The following CRMP1 variants were observed in gnomAD, a reference collection of about 807,000 sequenced individuals.
The protein encoded by CRMP1 is collapsin response mediator protein 1.
In CRMP1, 19 loss-of-function variants were observed where a neutral mutation model predicts 68.3. That is an observed-to-expected ratio of 0.28 (90% CI 0.19 to 0.41). The LOEUF is 0.41. Ranked by LOEUF, CRMP1 falls within the 10% of genes least tolerant of loss-of-function variation. The probability of loss-of-function intolerance (pLI) is 1.00; values close to 1 mark genes in which losing one functional copy is unlikely to be tolerated. For synonymous variants in CRMP1, 439 were observed against 399.6 expected (o/e 1.10, Z -1.18); for missense variants, 791 against 967.4 (o/e 0.82, Z 2.42).
Position 5,889,770 on chromosome 4 carries a change from G to A in CRMP1, c.381+2819C>T, listed in dbSNP as rs1715855167. ...TACAGCTCCCCCAGCACTGTGGTTG[G>A]GGGCTGGGGCCCTGACCTTCACCAC... is the stretch of plus-strand genomic sequence containing the variant. On this transcript the variant is annotated intron_variant, in intron 1 of 13. Coordinates refer to ENST00000324989, the MANE Select transcript of CRMP1 (RefSeq NM_001014809.3). The surrounding 1 kb of genome is among the most constrained non-coding windows in gnomAD (Gnocchi z 4.5). 1 of 1,532,544 alleles carries A rather than the reference G, an allele frequency of 6.5e-7. No individual in the cohort carries two copies. Among genetic ancestry groups the A allele is most frequent in the African/African-American group, 1.4e-5 (1 of 73,076 alleles). The allele number at this position is 1,532,544 out of a possible 1,614,324, so 94.9% of individuals were successfully genotyped here.
At chr4:5,868,175 G>A (rs1388152697) in intron 1 of CRMP1, among the ~76,000 whole-genome samples, 1 of 148,888 alleles carries the variant, frequency 6.7e-6, no homozygotes, top group Non-Finnish European at 1.5e-5. Flanking sequence ...GAACATTATG[G>A]GAACCAAAAA....
In CRMP1 at chr4:5,825,776, GCA is replaced by G. The variant is rs10605297; in HGVS notation, c.1804-119_1804-118del. On this transcript the variant is annotated intron_variant, in intron 12 of 13. Coordinates refer to ENST00000324989, the MANE Select transcript of CRMP1 (RefSeq NM_001014809.3). The surrounding 1 kb of genome is among the most constrained non-coding windows in gnomAD (Gnocchi z 4.4). Reference sequence around the variant, plus strand: ...ACCTGAGGTCACTTCAAATGTGCATGCACACACACACACAACACGCACACACG... The same window carrying G: ...ACCTGAGGTCACTTCAAATGTGCATGCACACACACACAACACGCACACACG... 0.18 allele frequency: 157,838 copies of G among 894,286 alleles called. 19,681 individuals are homozygous for G. Among genetic ancestry groups the G allele is most frequent in the African/African-American group, 0.56 (31,371 of 55,714 alleles). 55.4% of individuals were successfully genotyped at this position (894,286 alleles called of 1,614,324 possible). A position where few individuals can be genotyped will look rare whatever the true frequency, so the allele number is the denominator to read the frequency against.
At chr4:5,886,904 G>A (rs1437026975) in intron 1 of CRMP1, among the ~76,000 whole-genome samples, 1 of 152,226 alleles carries the variant, frequency 6.6e-6, no homozygotes, top group African/African-American at 2.4e-5. Flanking sequence ...GCTGAGAGAC[G>A]GAGAAGAGGT....
chr4:5,841,405 C>T lies in CRMP1; in HGVS notation c.1056G>A (p.Arg352=). The change falls in exon 8 of 14, where the codon CGG becomes CGA. Residue 352 remains arginine (R), a synonymous_variant. Transcript: ENST00000324989. This position sits in a 1 kb window ranked among gnomAD's most constrained non-coding sequence, Gnocchi z 6.9. ...TGATCCGGCCCGCAATGGTGATGGCCCGGAACACCGCCTCGGCCTCCAGCT... is the reference window on the plus strand; with the variant it reads ...TGATCCGGCCCGCAATGGTGATGGCTCGGAACACCGCCTCGGCCTCCAGCT... The part of the protein sequence containing the change: ...PEELEAEAVF[R]AITIAGRINC... 6.2e-7 allele frequency: 1 copy of T among 1,614,164 alleles called. No homozygotes were observed. Among genetic ancestry groups the T allele is most frequent in the Non-Finnish European group, 8.5e-7 (1 of 1,180,040 alleles).
At position 5,825,548 on chromosome 4, in the gene CRMP1, T is replaced by G. The variant is rs931871133; in HGVS notation, c.1915A>C (p.Lys639Gln). 1.3e-6 allele frequency: 2 copies of G among 1,594,758 alleles called. No homozygotes were observed. The highest frequency in any genetic ancestry group is 1.7e-6 in the Non-Finnish European group (2 of 1,173,258). ...TTTCTGATGGGTGGGGGCTGGTGTT[T>G]AGAAGGCGAAGATTTGGCTGAAGGA... ...PAPSAKSSPS[K>Q]HQPPPIRNLH... Residue 639 changes from lysine (K) to glutamine (Q), a missense_variant, in exon 13 of 14, where the codon AAA becomes CAA. Coordinates refer to ENST00000324989, the MANE Select transcript of CRMP1 (RefSeq NM_001014809.3). The surrounding 1 kb of genome is among the most constrained non-coding windows in gnomAD (Gnocchi z 4.4).
intron 1 of CRMP1, among the ~76,000 whole-genome samples, chr4:5,886,595 T>C (rs1715602913): frequency 6.6e-6 from 1 of 152,178 alleles, no homozygotes; most frequent in African/African-American, 2.4e-5. Context: ...TTGCAGGCCA[T>C]CCTATTAAGT....
At chr4:5,884,020 T>G (rs1308823835) in intron 1 of CRMP1, among the ~76,000 whole-genome samples, 1 of 152,210 alleles carries the variant, frequency 6.6e-6, no homozygotes, top group Admixed American at 6.5e-5. Flanking sequence ...TGGAGGGTGT[T>G]TGCTTCTCTG....
At chr4:5,823,404 C>T (rs1379077774) in intron 13 of CRMP1, among the ~76,000 whole-genome samples, 2 of 152,200 alleles carry the variant, frequency 1.3e-5, no homozygotes, top group African/African-American at 2.4e-5. Flanking sequence ...CCATCTGTAC[C>T]TTGCTGGTTG....
rs1191926485 is a variant in CRMP1 at position 5,853,498 on chromosome 4, A to G, written c.821-2029T>C. Among the ~76,000 whole-genome samples, 1 of 152,136 alleles carries G rather than the reference A, an allele frequency of 6.6e-6. No homozygotes were observed. The highest frequency in any genetic ancestry group is 2.1e-4 in the South Asian group (1 of 4,824). ...CCTGAGCACCGTTTGTGGGAATGTA[A>G]ATTAGCACAGCCACCTCTATGGGGA... On this transcript the variant is annotated intron_variant, in intron 4 of 13. Coordinates refer to ENST00000324989, the MANE Select transcript of CRMP1 (RefSeq NM_001014809.3). This position sits in a 1 kb window ranked among gnomAD's most constrained non-coding sequence, Gnocchi z 4.7.
rs1385308468 is a variant in CRMP1, at chr4:5,888,390, G to A, written c.381+4199C>T. The stretch of plus-strand genomic sequence containing the variant: ...GCCCGGGAGGGATAGAGACACGGAC[G>A]GAGGCTCGGCGCCCGTGGATGCCCA... On this transcript the variant is annotated intron_variant, in intron 1 of 13. Coordinates refer to ENST00000324989, the MANE Select transcript of CRMP1 (RefSeq NM_001014809.3). This position sits in a 1 kb window ranked among gnomAD's most constrained non-coding sequence, Gnocchi z 6.4. 10 of 1,222,692 alleles carry A rather than the reference G, an allele frequency of 8.2e-6. No individual in the cohort carries two copies. The highest frequency in any genetic ancestry group is 3.2e-5 in the East Asian group (1 of 30,864). The allele number at this position is 1,222,692 out of a possible 1,614,324, so 75.7% of individuals were successfully genotyped here. A position where few individuals can be genotyped will look rare whatever the true frequency, so the allele number is the denominator to read the frequency against.
intron 13 of CRMP1, among the ~76,000 whole-genome samples, chr4:5,822,929 G>A (rs975678948): frequency 6.6e-6 from 1 of 152,176 alleles, no homozygotes; most frequent in African/African-American, 2.4e-5. Context: ...AAAATCTCCA[G>A]CAAGCCTTTG....
rs116592595 is a variant in CRMP1 at position 5,824,881 on chromosome 4, G to A, written c.1969+613C>T. On this transcript the variant is annotated intron_variant, in intron 13 of 13. Transcript: ENST00000324989. ...CATCTCACCAAATCACAGATACACT[G>A]CCCTGAGACCTTAAGAAAGTCAGGA... 1,156 of 985,368 alleles carry A rather than the reference G, an allele frequency of 1.2e-3. 14 individuals carry two copies. The African/African-American group carries it at 0.019, about 16-fold the overall frequency. 61.0% of individuals were successfully genotyped at this position (985,368 alleles called of 1,614,324 possible).
chr4:5,889,644 T>C lies in CRMP1; in HGVS notation c.381+2945A>G, dbSNP rs1377823921. 1 of 1,536,172 alleles carries C rather than the reference T, an allele frequency of 6.5e-7. No homozygotes were observed. ...ACCAACCTTGTCCACCACTTCGTTG[T>C]TCATTTTCTGCATGCGAAATCCAAC... On this transcript the variant is annotated intron_variant, in intron 1 of 13. Transcript: ENST00000324989. The surrounding 1 kb of genome is among the most constrained non-coding windows in gnomAD (Gnocchi z 4.5).
rs139097510 is a variant in CRMP1, at chr4:5,864,456, G to A, written c.470+2212C>T. On this transcript the variant is annotated intron_variant, in intron 2 of 13. Transcript: ENST00000324989. ...CCCCAATCTGCCTTCCTGACCATTC[G>A]GGATCCAGGTGCCCTGAGGCTGACA... 3.2e-3 allele frequency among the ~76,000 whole-genome samples: 485 copies of A among 152,302 alleles called. 2 individuals are homozygous for A. The highest frequency in any genetic ancestry group is 0.011 in the African/African-American group (450 of 41,546).
At position 5,821,918 on chromosome 4, in the gene CRMP1, G is replaced by A; in HGVS notation, c.1970-67C>T. On this transcript the variant is annotated intron_variant, in intron 13 of 13. Transcript: ENST00000324989. The surrounding 1 kb of genome is among the most constrained non-coding windows in gnomAD (Gnocchi z 4.4). ...CATCAGTTCCACGCTGCTCCTGGAG[G>A]CCATGTACTCTGCCATGCACTCCAC... 8.0e-6 allele frequency: 10 copies of A among 1,245,786 alleles called. No individual in the cohort carries two copies. Among genetic ancestry groups the A allele is most frequent in the Admixed American group, 6.5e-5 (3 of 46,226 alleles). 77.2% of individuals were successfully genotyped at this position (1,245,786 alleles called of 1,614,324 possible). A position where few individuals can be genotyped will look rare whatever the true frequency, so the allele number is the denominator to read the frequency against.
At chr4:5,827,928 T>C in intron 12 of CRMP1, 1 of 609,750 alleles carries the variant, frequency 1.6e-6, no homozygotes, top group Non-Finnish European at 2.1e-6. Context: ...CTCCTTCCCT[T>C]TGACAGATGT....
At chr4:5,873,947 G>T (rs1714635960) in intron 1 of CRMP1, among the ~76,000 whole-genome samples, 1 of 152,190 alleles carries the variant, frequency 6.6e-6, no homozygotes, top group Non-Finnish European at 1.5e-5. Context: ...GGAACCGGAA[G>T]ATAGAAACAT....
intron 11 of CRMP1, among the ~76,000 whole-genome samples, chr4:5,830,487 TTTATC>T (rs1720289920): frequency 6.6e-6 from 1 of 152,240 alleles, no homozygotes; most frequent in Non-Finnish European, 1.5e-5. Flanking sequence ...ATAGCTTTAT[TTTATC>T]TTAATCTTTG....
chr4:5,860,629 ATTT>A lies in CRMP1; in HGVS notation c.655+394_655+396del, dbSNP rs34073650. On this transcript the variant is annotated intron_variant, in intron 3 of 13. Coordinates refer to ENST00000324989, the MANE Select transcript of CRMP1 (RefSeq NM_001014809.3). The surrounding 1 kb of genome is among the most constrained non-coding windows in gnomAD (Gnocchi z 4.2). The stretch of plus-strand genomic sequence containing the variant: ...AGCCATCTTCACATCATGTTGAAGG[ATTT>A]TTTTTTTTTTTGCTTTATCTCCCTA... Among the ~76,000 whole-genome samples, 139 of 145,968 alleles carry A rather than the reference ATTT, an allele frequency of 9.5e-4. No individual in the cohort carries two copies. The highest frequency in any genetic ancestry group is 3.3e-3 in the African/African-American group (131 of 39,792).
Sources: gnomAD v4.1 joint callset for allele counts (sites outside exome capture counted in the v4.1 genomes callset) on GRCh38, gnomAD v4.1.1 for gene constraint, Gnocchi (gnomAD v3.1) non-coding constraint, MANE v1.5 for transcripts, NCBI Gene and HGNC (gene_info 2026-07-23, HGNC 2026-07-21) for gene names.